The following GPHN variants were observed in gnomAD, a reference collection of about 807,000 sequenced individuals.
The protein encoded by GPHN is gephyrin.
A neutral mutation model predicts 95.5 loss-of-function variants in GPHN; 17 were observed. The ratio of observed to expected loss-of-function variants is 0.18; its 90% CI spans 0.12 to 0.27. GPHN has a LOEUF of 0.27. Ranked by LOEUF, GPHN falls within the 10% of genes least tolerant of loss-of-function variation. GPHN has a pLI of 1.00. For missense variants in GPHN, 660 were observed against 978.1 expected (o/e 0.67, Z 4.34); for synonymous variants, 320 against 322.5 (o/e 0.99, Z 0.08).
At chr14:66,797,641 C>G (rs1037511640) in intron 3 of GPHN, among the ~76,000 whole-genome samples, 2 of 151,782 alleles carry the variant, frequency 1.3e-5, no homozygotes, top group Non-Finnish European at 3.0e-5. Context: ...TCACTGTTGG[C>G]AGATAAAAAT....
At chr14:67,562,569 C>T in the GPHN span, 831 of 1,612,212 alleles carry the variant, frequency 5.2e-4, 3 homozygotes, top group Middle Eastern at 5.3e-3. Flanking sequence ...CTGACCCTAC[C>T]AAAGGTGCGG....
At chr14:67,096,412 G>A (rs540040523) in intron 12 of GPHN, among the ~76,000 whole-genome samples, 1 of 152,250 alleles carries the variant, frequency 6.6e-6, no homozygotes, top group Admixed American at 6.5e-5. Flanking sequence ...GGATTATGCA[G>A]AATATTGATA....
intron 4 of GPHN, among the ~76,000 whole-genome samples, chr14:66,855,437 C>A (rs1311327282): frequency 6.6e-6 from 1 of 152,102 alleles, no homozygotes; most frequent in Non-Finnish European, 1.5e-5. Flanking sequence ...TCAGTTCATG[C>A]ATGTTGTAGT....
chr14:67,690,495 A>C, the GPHN span: 2 of 1,205,428 alleles, frequency 1.7e-6, no homozygotes, highest in South Asian at 1.3e-5. Flanking sequence ...AGCAGGCCTC[A>C]CCTATGGGAG....
chr14:66,651,651 T>C (rs2065050094), intron 1 of GPHN, among the ~76,000 whole-genome samples: 1 of 152,168 alleles, frequency 6.6e-6, no homozygotes, highest in Non-Finnish European at 1.5e-5. Context: ...AATCTCCATA[T>C]GTTCTAGACT....
At chr14:67,199,609 G>C in the GPHN span, 1 of 1,589,634 alleles carries the variant, frequency 6.3e-7, no homozygotes, top group Non-Finnish European at 8.6e-7. Context: ...AGGACTCCAA[G>C]GGTGAGCGCC....
Position 66,570,295 on chromosome 14 carries a change from C to CTT in GPHN, c.64+61724_64+61725dup, listed in dbSNP as rs535461102. On this transcript the variant is annotated intron_variant, in intron 1 of 22. Coordinates refer to ENST00000478722, the MANE Select transcript of GPHN (RefSeq NM_020806.5). ...CTATTTGACATACTGATTTCATGTA[C>CTT]TTTTTTTTTTTTTTTTTTTTTGAGA... 7.2e-4 allele frequency among the ~76,000 whole-genome samples: 72 copies of CTT among 100,084 alleles called. 1 individual carries two copies. The highest frequency in any genetic ancestry group is 1.1e-3 in the Non-Finnish European group (57 of 51,384). 65.7% of individuals were successfully genotyped at this position (100,084 alleles called of 152,430 possible).
At chr14:66,989,346 T>C (rs975590706) in intron 9 of GPHN, among the ~76,000 whole-genome samples, 6 of 152,060 alleles carry the variant, frequency 3.9e-5, no homozygotes, top group African/African-American at 1.2e-4. Flanking sequence ...TTTAGTCTTG[T>C]GCTCTTTCCT....
At chr14:67,202,485 A>G in the GPHN span, among the ~76,000 whole-genome samples, 1 of 152,158 alleles carries the variant, frequency 6.6e-6, no homozygotes, top group East Asian at 1.9e-4. Flanking sequence ...AACTTACATT[A>G]TATCTAAAAT....
At chr14:66,863,325 C>A (rs1193735839) in intron 4 of GPHN, among the ~76,000 whole-genome samples, 1 of 151,620 alleles carries the variant, frequency 6.6e-6, no homozygotes, top group Non-Finnish European at 1.5e-5. Flanking sequence ...GCAGAGGACA[C>A]CAAAAACTGG....
At chr14:67,156,959 AGACTCT>A (rs2081624893) in intron 18 of GPHN, among the ~76,000 whole-genome samples, 1 of 150,684 alleles carries the variant, frequency 6.6e-6, no homozygotes. Context: ...GTGACAAGTG[AGACTCT>A]GTCTCAAAAA....
At chr14:67,677,344 TTG>T in the GPHN span, 40 of 131,290 alleles carry the variant, frequency 3.0e-4, 1 homozygote, top group African/African-American at 1.1e-3. Flanking sequence ...ATTGTTTTTT[TTG>T]TTTGTTTGTT....
intron 1 of GPHN, among the ~76,000 whole-genome samples, chr14:66,668,046 G>A (rs970842824): frequency 6.6e-6 from 1 of 152,154 alleles, no homozygotes; most frequent in African/African-American, 2.4e-5. Flanking sequence ...CAACATCACT[G>A]ATCATTAGAG....
chr14:66,887,236 A>G (rs1567061563), intron 5 of GPHN, among the ~76,000 whole-genome samples: 1 of 152,166 alleles, frequency 6.6e-6, no homozygotes, highest in Non-Finnish European at 1.5e-5. Flanking sequence ...ATCTTCTCCC[A>G]TGTAACAGGG....
At chr14:67,256,089 C>G in the GPHN span, among the ~76,000 whole-genome samples, 1 of 145,162 alleles carries the variant, frequency 6.9e-6, no homozygotes, top group Non-Finnish European at 1.5e-5. Flanking sequence ...ATAAAAGCAA[C>G]ACATACTTTT....
At chr14:67,146,131 C>A (rs1438399576) in intron 18 of GPHN, among the ~76,000 whole-genome samples, 1 of 152,182 alleles carries the variant, frequency 6.6e-6, no homozygotes, top group African/African-American at 2.4e-5. Context: ...GAGCAGCTAG[C>A]CTCTTTGGGT....
At chr14:67,478,820 T>G in the GPHN span, among the ~76,000 whole-genome samples, 2 of 152,118 alleles carry the variant, frequency 1.3e-5, no homozygotes, top group Non-Finnish European at 2.9e-5. Flanking sequence ...CCCTTCTCTG[T>G]GGTAATAGTG....
the GPHN span, among the ~76,000 whole-genome samples, chr14:67,371,307 CTACT>C: frequency 6.6e-6 from 1 of 151,804 alleles, no homozygotes; most frequent in African/African-American, 2.4e-5. Flanking sequence ...GTAGTTCCAG[CTACT>C]TGGGAGGCTG....
the GPHN span, among the ~76,000 whole-genome samples, chr14:67,204,073 G>C: frequency 1.3e-5 from 2 of 152,080 alleles, no homozygotes; most frequent in Non-Finnish European, 2.9e-5. Context: ...TGGTTCTCAG[G>C]AGCCCCTACC....
Sources: gnomAD v4.1 joint callset for allele counts (sites outside exome capture counted in the v4.1 genomes callset) on GRCh38, gnomAD v4.1.1 for gene constraint, MANE v1.5 for transcripts, NCBI Gene and HGNC (gene_info 2026-07-23, HGNC 2026-07-21) for gene names.